Variants in NT5M observed in about 807,000 individuals in gnomAD.
NT5M encodes the protein 5',3'-nucleotidase, mitochondrial, also known as 5'(3')-deoxyribonucleotidase, mitochondrial.
Under a neutral mutation model 22.2 loss-of-function variants are expected in NT5M, and 22 were observed. That is an observed-to-expected ratio of 0.99 (90% CI 0.71 to 1.41). The LOEUF (loss-of-function observed/expected upper bound fraction) is 1.41. Ranked by LOEUF, NT5M falls within the 40% of genes most tolerant of loss-of-function variation. NT5M has a pLI of 0.00. For missense variants in NT5M, 322 were observed against 314.8 expected (o/e 1.02, Z -0.17); for synonymous variants, 167 against 133.0 (o/e 1.26, Z -1.76).
chr17:17,304,449 C>T, intron 1 of NT5M: 4 of 984,884 alleles, frequency 4.1e-6, no homozygotes, highest in Non-Finnish European at 4.8e-6. Context: ...GGGAAAGATC[C>T]AAGGAGGGAC....
At position 17,303,817 on chromosome 17, in the gene NT5M, C is replaced by A. The variant is rs755065565; in HGVS notation, c.267C>A (p.Ser89Arg). ...ACGGCCGCCTGCGGCCAGGGCTGAG[C>A]GTGAGCGTCCCCGCCCCGCCCCGCG... ...EQYGRLRPGL[S>R]EKAISIWESK... The change falls in exon 1 of 5, where the codon AGC becomes AGA. Residue 89 changes from serine to arginine, a missense_variant and splice_region_variant. Ser to Arg is a moderately radical substitution (Grantham distance 110). Coordinates refer to ENST00000389022, the MANE Select transcript of NT5M (RefSeq NM_020201.4). The A allele has an allele frequency of 4.5e-5, 66 of 1,455,360 alleles. No homozygotes were observed. The highest frequency in any genetic ancestry group is 5.7e-5 in the Non-Finnish European group (62 of 1,091,634). The allele number at this position is 1,455,360 out of a possible 1,614,324, so 90.2% of individuals were successfully genotyped here.
At chr17:17,319,330 C>T (rs543618689) in intron 2 of NT5M, among the ~76,000 whole-genome samples, 9 of 151,944 alleles carry the variant, frequency 5.9e-5, no homozygotes, top group African/African-American at 9.7e-5. Context: ...AATGGGGCTT[C>T]TTTTTGGGGT....
intron 3 of NT5M, 123 bp from the exon 4 acceptor site, chr17:17,344,671 G>A (rs7212012): frequency 0.048 from 57,856 of 1,210,344 alleles, 1,939 homozygotes; most frequent in African/African-American, 0.13. Context: ...CTTGGTGTCA[G>A]GCCTCCATCC....
intron 1 of NT5M, chr17:17,304,450 A>C (rs2145304291): frequency 1.0e-6 from 1 of 985,086 alleles, no homozygotes; most frequent in Middle Eastern, 5.2e-4. Context: ...GGAAAGATCC[A>C]AGGAGGGACG....
intron 2 of NT5M, among the ~76,000 whole-genome samples, chr17:17,309,513 A>G (rs9889367): frequency 0.77 from 116,917 of 152,170 alleles, 45,464 homozygotes; most frequent in Non-Finnish European, 0.83. Flanking sequence ...AAGCAATTGT[A>G]CTATTGCACA....
chr17:17,331,000 C>T (rs1004394348), intron 3 of NT5M, among the ~76,000 whole-genome samples: 2 of 151,478 alleles, frequency 1.3e-5, no homozygotes, highest in African/African-American at 4.9e-5. Flanking sequence ...CCTCAGCCTC[C>T]CAAAGTGCTA....
intron 3 of NT5M, among the ~76,000 whole-genome samples, chr17:17,330,607 C>T (rs1006477942): frequency 6.6e-6 from 1 of 152,040 alleles, no homozygotes; most frequent in Non-Finnish European, 1.5e-5. Flanking sequence ...AACTCCTGAC[C>T]TCAGGTGATC....
intron 3 of NT5M, among the ~76,000 whole-genome samples, chr17:17,323,461 C>A (rs2049198712): frequency 1.3e-5 from 2 of 152,182 alleles, no homozygotes; most frequent in African/African-American, 2.4e-5. Flanking sequence ...GTCACTGTGT[C>A]AGGTTAGCCT....
At chr17:17,345,207 T>C in intron 4 of NT5M, 3 of 1,166,638 alleles carry the variant, frequency 2.6e-6, no homozygotes, top group Non-Finnish European at 3.2e-6. Flanking sequence ...TCAACTCTGG[T>C]TTCCAAATGT....
chr17:17,326,997 C>T lies in NT5M; in HGVS notation c.429+3752C>T, dbSNP rs150734168. On this transcript the variant is annotated intron_variant, in intron 3 of 4. Transcript: ENST00000389022. The stretch of plus-strand genomic sequence containing the variant: ...TGCGATCTCGGCTTACTGCAACATC[C>T]GCCTCCCAAGTTCAAGTGATTCTCC... 3.9e-5 allele frequency among the ~76,000 whole-genome samples: 6 copies of T among 152,086 alleles called. No individual in the cohort carries two copies. In the East Asian group the frequency reaches 5.8e-4, roughly 15 times the overall value.
At chr17:17,326,656 G>A (rs2145387688) in intron 3 of NT5M, among the ~76,000 whole-genome samples, 1 of 152,302 alleles carries the variant, frequency 6.6e-6, no homozygotes, top group Non-Finnish European at 1.5e-5. Flanking sequence ...CCCAGGAGAG[G>A]GAGGCCCATC....
At chr17:17,340,619 T>C (rs990385378) in intron 3 of NT5M, among the ~76,000 whole-genome samples, 9 of 152,000 alleles carry the variant, frequency 5.9e-5, no homozygotes, top group African/African-American at 1.9e-4. Context: ...CTCTGCCTCC[T>C]GGGTTCAAGC....
chr17:17,306,743 T>C (rs1471297369), intron 2 of NT5M, 100 bp downstream of exon 2: 2 of 856,502 alleles, frequency 2.3e-6, no homozygotes, highest in Non-Finnish European at 2.0e-6. Flanking sequence ...CTCCTTTCTC[T>C]CTCCTTGGCC....
chr17:17,321,038 A>T (rs1482883409), intron 2 of NT5M, among the ~76,000 whole-genome samples: 5 of 152,036 alleles, frequency 3.3e-5, no homozygotes, highest in African/African-American at 1.2e-4. Flanking sequence ...CTTGTCGGGG[A>T]CATTCTGCTT....
At chr17:17,338,981 C>T (rs2049584905) in intron 3 of NT5M, among the ~76,000 whole-genome samples, 1 of 152,124 alleles carries the variant, frequency 6.6e-6, no homozygotes, top group Non-Finnish European at 1.5e-5. Flanking sequence ...CCTGCCTCGG[C>T]CTCCCGAAGT....
intron 2 of NT5M, among the ~76,000 whole-genome samples, chr17:17,318,480 CA>C (rs71355545): frequency 2.8e-3 from 119 of 42,104 alleles, no homozygotes; most frequent in East Asian, 8.0e-3. Context: ...GACTCTGTCT[CA>C]AAAAAAAAAA....
intron 3 of NT5M, among the ~76,000 whole-genome samples, chr17:17,340,061 T>G (rs1285185930): frequency 6.6e-6 from 1 of 152,222 alleles, no homozygotes; most frequent in Non-Finnish European, 1.5e-5. Flanking sequence ...AGGATTGGTA[T>G]TAGTTATTTA....
At chr17:17,328,050 C>T (rs931405941) in intron 3 of NT5M, among the ~76,000 whole-genome samples, 28 of 152,136 alleles carry the variant, frequency 1.8e-4, no homozygotes, top group African/African-American at 5.3e-4. Context: ...TCCTGGGTCA[C>T]GCGAGGAAAG....
In NT5M at chr17:17,303,831, C is replaced by T; in HGVS notation, c.267+14C>T. On this transcript the variant is annotated intron_variant, in intron 1 of 4. Coordinates refer to ENST00000389022, the MANE Select transcript of NT5M (RefSeq NM_020201.4). ...CCAGGGCTGAGCGTGAGCGTCCCCG[C>T]CCCGCCCCGCGCCGGGCCTCCTTCT... is the stretch of plus-strand genomic sequence containing the variant. The T allele has an allele frequency of 7.2e-7, 1 of 1,386,120 alleles. No individual in the cohort carries two copies. Among genetic ancestry groups the T allele is most frequent in the Non-Finnish European group, 9.5e-7 (1 of 1,057,606 alleles). The allele number at this position is 1,386,120 out of a possible 1,614,324, so 85.9% of individuals were successfully genotyped here. A position where few individuals can be genotyped will look rare whatever the true frequency, so the allele number is the denominator to read the frequency against.
Sources: gnomAD v4.1 joint callset for allele counts (sites outside exome capture counted in the v4.1 genomes callset) on GRCh38, gnomAD v4.1.1 for gene constraint, MANE v1.5 for transcripts, NCBI Gene and HGNC (gene_info 2026-07-23, HGNC 2026-07-21) for gene names.